Variants in GREB1 observed in about 807,000 individuals in gnomAD.
GREB1 encodes the protein protein GREB1.
GREB1 carries 106 observed loss-of-function variants against 200.7 expected under a neutral mutation model. The observed-to-expected ratio is 0.53, with a 90% CI of 0.45 to 0.62. The LOEUF is 0.62. Ranked by LOEUF, GREB1 falls within the 20% of genes least tolerant of loss-of-function variation. GREB1 has a pLI of 0.00. For missense variants in GREB1, 2,243 were observed against 2,556.8 expected (o/e 0.88, Z 2.65); for synonymous variants, 1,132 against 1,092.4 (o/e 1.04, Z -0.72).
At chr2:11,595,183 G>T (rs1681098083) in intron 11 of GREB1, 68 bp from the exon 12 acceptor site, 9 of 1,456,536 alleles carry the variant, frequency 6.2e-6, no homozygotes, top group Non-Finnish European at 8.5e-6. Context: ...TAAGGGACTA[G>T]TCTAGGGCTA....
chr2:11,618,190 TGG>T lies in GREB1; in HGVS notation c.3413-96_3413-95del, dbSNP rs1419858754. 5 of 1,102,018 alleles carry T rather than the reference TGG, an allele frequency of 4.5e-6. No individual in the cohort carries two copies. The East Asian group carries it at 1.6e-4, about 36-fold the overall frequency. The allele number at this position is 1,102,018 out of a possible 1,614,324, so 68.3% of individuals were successfully genotyped here. ...GGTGACTCCTGGGACAGGTCACTCC[TGG>T]GATGGGTGACTCCTGGGACAGGTCA... is the stretch of plus-strand genomic sequence containing the variant. On this transcript the variant is annotated intron_variant, in intron 21 of 32. Coordinates refer to ENST00000381486, the MANE Select transcript of GREB1 (RefSeq NM_014668.4).
chr2:11,612,209 A>AAAT, intron 18 of GREB1: 18 of 606,624 alleles, frequency 3.0e-5, no homozygotes, highest in Non-Finnish European at 3.9e-5. Flanking sequence ...AAAAAAAAAA[A>AAAT]GACTTAAGGA....
At position 11,566,508 on chromosome 2, in the gene GREB1, C is replaced by G. The variant is rs1677674460; in HGVS notation, c.306C>G (p.Arg102=). The G allele has an allele frequency of 6.2e-7, 1 of 1,613,232 alleles. No individual in the cohort carries two copies. The highest frequency in any genetic ancestry group is 2.2e-5 in the East Asian group (1 of 44,850). ...TTTGCCAGGCCGGGAAGGACCTGCGCCTTGTCTCCATTTCCAACGAGCCCA... is the reference window on the plus strand; with the variant it reads ...TTTGCCAGGCCGGGAAGGACCTGCGGCTTGTCTCCATTTCCAACGAGCCCA... ...DGFCQAGKDL[R]LVSISNEPMD... The change falls in exon 4 of 33, where the codon CGC becomes CGG. Residue 102 remains arginine (R), a synonymous_variant. Coordinates refer to ENST00000381486, the MANE Select transcript of GREB1 (RefSeq NM_014668.4).
chr2:11,571,860 A>G (rs13417511), intron 4 of GREB1, among the ~76,000 whole-genome samples: 7,196 of 152,038 alleles, frequency 0.047, 513 homozygotes, highest in African/African-American at 0.16. Context: ...ACAGGCGCCC[A>G]CCACCACACC....
chr2:11,621,000 C>A lies in GREB1; in HGVS notation c.4140C>A (p.Ile1380=). The change falls in exon 23 of 33, where the codon ATC becomes ATA. Residue 1380 remains isoleucine, a synonymous_variant. Transcript: ENST00000381486. ...TGGATGTCTATGACGAGGAGGAGAT[C>A]AATATCAGTGAGTTATCTGTTTGGG... ...TEVDVYDEEE[I]NINLREESDW... 1 of 1,585,566 alleles carries A rather than the reference C, an allele frequency of 6.3e-7. No individual in the cohort carries two copies. Among genetic ancestry groups the A allele is most frequent in the Non-Finnish European group, 8.7e-7 (1 of 1,153,946 alleles).
Position 11,548,739 on chromosome 2 carries a change from CA to C in GREB1, c.-161-7714del, listed in dbSNP as rs1177277033. Among the ~76,000 whole-genome samples, 1 of 152,104 alleles carries C rather than the reference CA, an allele frequency of 6.6e-6. No homozygotes were observed. Among genetic ancestry groups the C allele is most frequent in the Non-Finnish European group, 1.5e-5 (1 of 68,018 alleles). On this transcript the variant is annotated intron_variant, in intron 1 of 32. Transcript: ENST00000381486. This position sits in a 1 kb window ranked among gnomAD's most constrained non-coding sequence, Gnocchi z 5.1. Reference sequence around the variant, plus strand: ...TCCTTCTACCCTCTGTTGGATCCCCCATCCTGGCCCCCTGGCTTCACAATTG... The same window carrying C: ...TCCTTCTACCCTCTGTTGGATCCCCCTCCTGGCCCCCTGGCTTCACAATTG...
intron 9 of GREB1, among the ~76,000 whole-genome samples, chr2:11,586,885 C>T (rs1680157581): frequency 6.6e-6 from 1 of 152,128 alleles, no homozygotes; most frequent in Non-Finnish European, 1.5e-5. Flanking sequence ...CAAATGAAGA[C>T]CAACATTCTT....
At chr2:11,617,270 C>T (rs943414894) in intron 21 of GREB1, among the ~76,000 whole-genome samples, 4 of 152,206 alleles carry the variant, frequency 2.6e-5, no homozygotes, top group East Asian at 3.9e-4. Flanking sequence ...GTCAGGATCC[C>T]GCAGAGGAGG....
chr2:11,617,027 G>T (rs990619525), intron 21 of GREB1, among the ~76,000 whole-genome samples: 1 of 152,204 alleles, frequency 6.6e-6, no homozygotes. Flanking sequence ...TTAGGGGCGG[G>T]TCCCCGGGTG....
In GREB1 at chr2:11,578,372, T is replaced by C. The variant is rs1040501987; in HGVS notation, c.713T>C (p.Phe238Ser). 2.5e-6 allele frequency: 4 copies of C among 1,613,864 alleles called. No individual in the cohort carries two copies. The African/African-American group carries it at 4.0e-5, about 16-fold the overall frequency. The change falls in exon 6 of 33, where the codon TTC becomes TCC. Residue 238 changes from phenylalanine to serine, a missense_variant. Physicochemically the swap from Phe to Ser is radical, Grantham distance 155. This residue lies in a region of GREB1 where 1,178 missense variants were observed against 1,387.4 expected (regional missense o/e 0.85). Transcript: ENST00000381486. ...CCAGCCCTGGAGAGCACGGCTGCCT[T>C]CCCCAGCGAGCCCGTTCCTGGGACG... ...LFPALESTAAFPSEPVPGTNP... is the reference protein window; with the variant it reads ...LFPALESTAASPSEPVPGTNP...
In GREB1 at chr2:11,552,957, T is replaced by C. The variant is rs368339505; in HGVS notation, c.-161-3497T>C. Reference sequence around the variant, plus strand: ...CCCGGGAGGCGGAGCTTGCAGTGAGTCGAGATCGCGCCACTGCACTCCAGC... The same window carrying C: ...CCCGGGAGGCGGAGCTTGCAGTGAGCCGAGATCGCGCCACTGCACTCCAGC... On this transcript the variant is annotated intron_variant, in intron 1 of 32. Coordinates refer to ENST00000381486, the MANE Select transcript of GREB1 (RefSeq NM_014668.4). Among the ~76,000 whole-genome samples the C allele has an allele frequency of 5.5e-3, 756 of 137,066 alleles. 6 individuals are homozygous for C. Among genetic ancestry groups the C allele is most frequent in the African/African-American group, 0.018 (628 of 34,216 alleles). The allele number at this position is 137,066 out of a possible 152,430, so 89.9% of individuals were successfully genotyped here.
intron 1 of GREB1, among the ~76,000 whole-genome samples, chr2:11,528,671 T>C (rs999257680): frequency 6.6e-6 from 1 of 152,260 alleles, no homozygotes; most frequent in Non-Finnish European, 1.5e-5. Context: ...ATGCTTCATC[T>C]GTAAGCATTA....
chr2:11,518,380 A>G (rs1160635623), intron 1 of GREB1, among the ~76,000 whole-genome samples: 1 of 152,146 alleles, frequency 6.6e-6, no homozygotes, highest in Non-Finnish European at 1.5e-5. Context: ...TCTTTTCAGT[A>G]GGAAAAAGTT....
chr2:11,607,460 G>A (rs565211865), intron 17 of GREB1, among the ~76,000 whole-genome samples: 405 of 36,902 alleles, frequency 0.011, 1 homozygote, highest in African/African-American at 0.016. Context: ...GTGTGTGTGT[G>A]TATATATATA....
At chr2:11,524,760 TCCC>T (rs1253327416) in intron 1 of GREB1, among the ~76,000 whole-genome samples, 1 of 152,238 alleles carries the variant, frequency 6.6e-6, no homozygotes, top group East Asian at 1.9e-4. Flanking sequence ...ACCCTGTCCA[TCCC>T]CCCACTTCCT....
At chr2:11,578,217 C>A (rs1679078548) in intron 5 of GREB1, 80 bp from the exon 6 acceptor site, 2 of 1,463,600 alleles carry the variant, frequency 1.4e-6, no homozygotes, top group Non-Finnish European at 1.9e-6. Flanking sequence ...TCCTGTAGGA[C>A]ACGTTCCACT....
chr2:11,541,444 A>AGG (rs139308785), intron 1 of GREB1, among the ~76,000 whole-genome samples: 8 of 148,294 alleles, frequency 5.4e-5, no homozygotes, highest in Non-Finnish European at 1.0e-4. Context: ...ATGGCAAGTG[A>AGG]GAGGGGGGCC....
At chr2:11,605,702 C>T (rs1682217699) in intron 17 of GREB1, among the ~76,000 whole-genome samples, 1 of 152,072 alleles carries the variant, frequency 6.6e-6, no homozygotes, top group Non-Finnish European at 1.5e-5. Flanking sequence ...ACAATAGGTA[C>T]TCTGTTTTTG....
chr2:11,561,717 G>A (rs113084984), intron 2 of GREB1: 24,445 of 152,170 alleles, frequency 0.16, 2,627 homozygotes, highest in Middle Eastern at 0.27. Flanking sequence ...AACCAGGCCC[G>A]ACCCTGCTTA....
Sources: gnomAD v4.1 joint callset for allele counts (sites outside exome capture counted in the v4.1 genomes callset) on GRCh38, gnomAD v4.1.1 for gene constraint, gnomAD v4.1.1 regional missense constraint, Gnocchi (gnomAD v3.1) non-coding constraint, MANE v1.5 for transcripts, NCBI Gene and HGNC (gene_info 2026-07-23, HGNC 2026-07-21) for gene names.